Variants in CTNNA3 observed in about 807,000 individuals in gnomAD.
CTNNA3 encodes catenin alpha 3, also known as catenin alpha-3.
CTNNA3 carries 76 observed loss-of-function variants against 95.7 expected under a neutral mutation model. The observed-to-expected ratio is 0.79, with a 90% CI of 0.66 to 0.96. The LOEUF is 0.96. Among genes scored for constraint, CTNNA3 ranks in the 40% least tolerant of loss-of-function variants. CTNNA3 has a pLI of 0.00. For missense variants in CTNNA3, 1,191 were observed against 1,089.8 expected (o/e 1.09, Z -1.31); for synonymous variants, 431 against 374.4 (o/e 1.15, Z -1.74).
intron 12 of CTNNA3, among the ~76,000 whole-genome samples, chr10:66,357,529 G>A (rs184360687): frequency 3.9e-5 from 6 of 152,054 alleles, no homozygotes; most frequent in African/African-American, 1.4e-4. Context: ...CCACTAATCT[G>A]CTTTCTGTGC....
At chr10:66,892,561 A>G (rs944291304) in intron 7 of CTNNA3, among the ~76,000 whole-genome samples, 1 of 148,978 alleles carries the variant, frequency 6.7e-6, no homozygotes, top group African/African-American at 2.4e-5. Flanking sequence ...GTAGAATTCA[A>G]CAATGATATT....
chr10:66,031,909 G>A (rs886637440), intron 15 of CTNNA3, among the ~76,000 whole-genome samples: 4 of 152,110 alleles, frequency 2.6e-5, no homozygotes, highest in Non-Finnish European at 5.9e-5. Context: ...TAACAAAATG[G>A]TTACTAAAGT....
chr10:66,874,889 C>T (rs1844556460), intron 7 of CTNNA3, among the ~76,000 whole-genome samples: 1 of 152,112 alleles, frequency 6.6e-6, no homozygotes, highest in African/African-American at 2.4e-5. Flanking sequence ...GCTAGGGAAC[C>T]AGAAACAGAC....
At chr10:67,364,743 A>T (rs1295307933) in intron 5 of CTNNA3, among the ~76,000 whole-genome samples, 1 of 152,160 alleles carries the variant, frequency 6.6e-6, no homozygotes, top group Non-Finnish European at 1.5e-5. Context: ...GCAAATGGAA[A>T]AACATTCCAT....
intron 10 of CTNNA3, among the ~76,000 whole-genome samples, chr10:66,528,268 C>T (rs530271870): frequency 4.0e-5 from 6 of 148,908 alleles, no homozygotes; most frequent in East Asian, 3.9e-4. Flanking sequence ...AGGCTTCTCC[C>T]CATTTTTACT....
At chr10:66,400,482 G>A (rs1290435658) in intron 11 of CTNNA3, among the ~76,000 whole-genome samples, 1 of 152,090 alleles carries the variant, frequency 6.6e-6, no homozygotes, top group African/African-American at 2.4e-5. Context: ...AGCACTTCAA[G>A]CTGTCGATAT....
chr10:66,379,142 A>G lies in CTNNA3; in HGVS notation c.1732+10T>C. 6.2e-7 allele frequency: 1 copy of G among 1,608,418 alleles called. No individual in the cohort carries two copies. On this transcript the variant is annotated intron_variant, in intron 12 of 17. Coordinates refer to ENST00000433211, the MANE Select transcript of CTNNA3 (RefSeq NM_013266.4). ...AGAAATTGTGCAGCTGTTATTGGCA[A>G]CTGACTTACCAGTACTTGTAAGGAA...
chr10:65,951,038 A>G (rs1002123424), intron 17 of CTNNA3, among the ~76,000 whole-genome samples: 7 of 152,186 alleles, frequency 4.6e-5, no homozygotes, highest in African/African-American at 1.7e-4. Flanking sequence ...CAAATCATAA[A>G]CAATATATTG....
chr10:65,929,670 G>A (rs1427742959), intron 17 of CTNNA3, among the ~76,000 whole-genome samples: 1 of 151,070 alleles, frequency 6.6e-6, no homozygotes, highest in East Asian at 1.9e-4. Context: ...CCGGGTTCAC[G>A]CCATTCTCCT....
intron 12 of CTNNA3, among the ~76,000 whole-genome samples, chr10:66,353,322 C>T (rs57645480): frequency 0.062 from 9,488 of 151,984 alleles, 445 homozygotes; most frequent in East Asian, 0.2. Context: ...TGCTTCAGGG[C>T]CCACAGAAAT....
chr10:66,863,894 T>C (rs944103289), intron 7 of CTNNA3, among the ~76,000 whole-genome samples: 2 of 152,126 alleles, frequency 1.3e-5, no homozygotes, highest in Non-Finnish European at 2.9e-5. Context: ...ATAATTCATA[T>C]AGCACCTAAC....
intron 17 of CTNNA3, among the ~76,000 whole-genome samples, chr10:65,954,385 G>C (rs1190188775): frequency 6.6e-6 from 1 of 152,174 alleles, no homozygotes. Context: ...AAGCTCTTTA[G>C]TTTAATTAGA....
intron 7 of CTNNA3, among the ~76,000 whole-genome samples, chr10:66,798,700 G>C (rs2132226777): frequency 6.6e-6 from 1 of 151,646 alleles, no homozygotes; most frequent in African/African-American, 2.4e-5. Context: ...GTGAAGTGAT[G>C]AAAAAATGAT....
At chr10:66,793,476 A>C (rs950537545) in intron 7 of CTNNA3, among the ~76,000 whole-genome samples, 1 of 152,044 alleles carries the variant, frequency 6.6e-6, no homozygotes, top group South Asian at 2.1e-4. Context: ...CTGGCTTCCA[A>C]TATTTTTTTT....
chr10:67,656,224 C>A (rs2133507841), intron 1 of CTNNA3, among the ~76,000 whole-genome samples: 1 of 152,234 alleles, frequency 6.6e-6, no homozygotes, highest in East Asian at 1.9e-4. Flanking sequence ...TTTGTCAGAT[C>A]AATAAAATCA....
intron 11 of CTNNA3, among the ~76,000 whole-genome samples, chr10:66,474,711 AT>A (rs1335661360): frequency 1.3e-5 from 2 of 151,852 alleles, no homozygotes; most frequent in Non-Finnish European, 2.9e-5. Flanking sequence ...AGCAGTTGTC[AT>A]TTTTTGTCTT....
chr10:66,928,901 T>G (rs1181398440), intron 7 of CTNNA3, among the ~76,000 whole-genome samples: 1 of 152,158 alleles, frequency 6.6e-6, no homozygotes, highest in Non-Finnish European at 1.5e-5. Flanking sequence ...TTGAGCTGAT[T>G]CTTGGAGATG....
intron 10 of CTNNA3, among the ~76,000 whole-genome samples, chr10:66,602,017 T>A (rs1843945133): frequency 6.6e-6 from 1 of 151,962 alleles, no homozygotes; most frequent in Non-Finnish European, 1.5e-5. Context: ...ACACATAAAA[T>A]GAGAGTGCAG....
chr10:66,591,915 C>T (rs974931503), intron 10 of CTNNA3, among the ~76,000 whole-genome samples: 1 of 151,890 alleles, frequency 6.6e-6, no homozygotes, highest in Non-Finnish European at 1.5e-5. Context: ...TTTTATTGCC[C>T]GTATATAACC....
Sources: gnomAD v4.1 joint callset for allele counts (sites outside exome capture counted in the v4.1 genomes callset) on GRCh38, gnomAD v4.1.1 for gene constraint, MANE v1.5 for transcripts, NCBI Gene and HGNC (gene_info 2026-07-23, HGNC 2026-07-21) for gene names.